RSU1: variants seen among roughly 807,000 people sequenced by gnomAD.
RSU1 encodes the protein rsu-1.
RSU1 carries 26 observed loss-of-function variants against 31.1 expected under a neutral mutation model. The ratio of observed to expected loss-of-function variants is 0.84; its 90% confidence interval spans 0.61 to 1.16. RSU1 has a LOEUF of 1.16. Among genes scored for constraint, RSU1 ranks in the 50% most tolerant of loss-of-function variants. The pLI is 0.00. For synonymous variants in RSU1, 164 were observed against 136.3 expected, an observed-to-expected ratio of 1.20 and a Z score of -1.41; for missense variants, 320 against 339.1, an observed-to-expected ratio of 0.94 and a Z score of 0.44.
chr10:16,795,863 C>CG (rs2131665834), intron 2 of RSU1, among the ~76,000 whole-genome samples: 1 of 152,292 alleles, frequency 6.6e-6, no homozygotes, highest in South Asian at 2.1e-4. Context: ...GGTGAGGCAC[C>CG]GGCACCCTCT....
chr10:16,630,974 A>G (rs1407270916), intron 8 of RSU1, among the ~76,000 whole-genome samples: 1 of 152,248 alleles, frequency 6.6e-6, no homozygotes, highest in Non-Finnish European at 1.5e-5. Context: ...CTCAGATCTC[A>G]GTTAACTCAG....
At chr10:16,649,708 C>CA (rs1270004800) in intron 8 of RSU1, among the ~76,000 whole-genome samples, 1 of 152,144 alleles carries the variant, frequency 6.6e-6, no homozygotes, top group Non-Finnish European at 1.5e-5. Context: ...ATTCTCCGTA[C>CA]AAAAAATTCA....
intron 2 of RSU1, among the ~76,000 whole-genome samples, chr10:16,804,773 T>C (rs1838231559): frequency 1.3e-5 from 2 of 152,164 alleles, no homozygotes; most frequent in South Asian, 4.1e-4. Flanking sequence ...GGTAAAATTA[T>C]AGAGACAAAC....
chr10:16,705,157 A>G (rs1835871294), intron 7 of RSU1, among the ~76,000 whole-genome samples: 1 of 152,166 alleles, frequency 6.6e-6, no homozygotes, highest in Non-Finnish European at 1.5e-5. Flanking sequence ...TTCACTTCAT[A>G]TAATTTCCTC....
chr10:16,729,562 C>T (rs1836462744), intron 7 of RSU1, among the ~76,000 whole-genome samples: 1 of 152,136 alleles, frequency 6.6e-6, no homozygotes, highest in Non-Finnish European at 1.5e-5. Flanking sequence ...ATCTGCCCGC[C>T]CCCGTCTTCG....
At chr10:16,596,090 G>A (rs1833607816) in intron 8 of RSU1, among the ~76,000 whole-genome samples, 1 of 152,152 alleles carries the variant, frequency 6.6e-6, no homozygotes, top group Non-Finnish European at 1.5e-5. Flanking sequence ...TGGGGGTCCT[G>A]GGTCCTGTGT....
intron 8 of RSU1, among the ~76,000 whole-genome samples, chr10:16,608,671 A>G (rs1833843817): frequency 6.6e-6 from 1 of 152,160 alleles, no homozygotes; most frequent in Non-Finnish European, 1.5e-5. Context: ...TGGAGACGGC[A>G]TCTCCGAGAG....
chr10:16,799,521 C>CAACAAA (rs2131669572), intron 2 of RSU1, among the ~76,000 whole-genome samples: 1 of 151,494 alleles, frequency 6.6e-6, no homozygotes, highest in South Asian at 2.1e-4. Flanking sequence ...ACAACAACAA[C>CAACAAA]AACAAAAACA....
Position 16,604,691 on chromosome 10 carries a change from G to C in RSU1, c.732-11195C>G, listed in dbSNP as rs572305203. ...GACAGGTGGGGAAACAAGGCCCAGA[G>C]TTTAAATACCGTGATGTGACTGCAG... is the stretch of plus-strand genomic sequence containing the variant. On this transcript the variant is annotated intron_variant, in intron 8 of 8. Transcript: ENST00000345264. Among the ~76,000 whole-genome samples, 3 of 152,262 alleles carry C rather than the reference G, an allele frequency of 2.0e-5. No individual in the cohort carries two copies. The East Asian group carries it at 5.8e-4, about 29-fold the overall frequency.
intron 8 of RSU1, among the ~76,000 whole-genome samples, chr10:16,601,915 G>A (rs1054067082): frequency 1.3e-5 from 2 of 152,118 alleles, no homozygotes; most frequent in African/African-American, 2.4e-5. Flanking sequence ...GGGAGTATTC[G>A]CTCATTATCT....
chr10:16,651,198 TG>T (rs1377356787), intron 8 of RSU1, among the ~76,000 whole-genome samples: 2 of 152,238 alleles, frequency 1.3e-5, no homozygotes, highest in East Asian at 3.8e-4. Context: ...TTCAAGCTCA[TG>T]TCAAACAAGG....
At chr10:16,602,977 A>G (rs1833736376) in intron 8 of RSU1, among the ~76,000 whole-genome samples, 1 of 152,184 alleles carries the variant, frequency 6.6e-6, no homozygotes, top group Admixed American at 6.5e-5. Context: ...CTGAGTCCTA[A>G]AGAAAAAAAA....
At chr10:16,802,239 G>T (rs957998380) in intron 2 of RSU1, among the ~76,000 whole-genome samples, 1 of 150,874 alleles carries the variant, frequency 6.6e-6, no homozygotes, top group African/African-American at 2.4e-5. Context: ...ATGAAAGAAG[G>T]GCCATTACTA....
intron 8 of RSU1, among the ~76,000 whole-genome samples, chr10:16,667,167 G>A (rs890277748): frequency 7.2e-5 from 11 of 152,160 alleles, no homozygotes; most frequent in African/African-American, 2.7e-4. Context: ...TTATACTTTA[G>A]CTGTCTGTTA....
chr10:16,749,784 G>A (rs1359018995), intron 7 of RSU1, among the ~76,000 whole-genome samples: 1 of 152,208 alleles, frequency 6.6e-6, no homozygotes, highest in Non-Finnish European at 1.5e-5. Context: ...TGCCGGCAAA[G>A]CCCACGCCAA....
chr10:16,695,175 A>T lies in RSU1; in HGVS notation c.599-20T>A, dbSNP rs753400513. On this transcript the variant is annotated intron_variant, in intron 7 of 8. Coordinates refer to ENST00000345264, the MANE Select transcript of RSU1 (RefSeq NM_012425.4). ...AGTTTCCTGGGGGGGGGGAAAAAAA[A>T]AGTGAAGGTCACTTCATCCAATACA... The T allele has an allele frequency of 4.4e-6, 7 of 1,583,088 alleles. No homozygotes were observed. The East Asian group carries it at 1.4e-4, about 31-fold the overall frequency.
intron 8 of RSU1, among the ~76,000 whole-genome samples, chr10:16,658,752 G>A (rs1029506978): frequency 2.6e-5 from 4 of 152,014 alleles, no homozygotes; most frequent in African/African-American, 7.2e-5. Context: ...AAAATATTTT[G>A]GTGCTCGTTA....
intron 8 of RSU1, among the ~76,000 whole-genome samples, chr10:16,638,038 C>T (rs1834376152): frequency 6.6e-6 from 1 of 152,042 alleles, no homozygotes; most frequent in Non-Finnish European, 1.5e-5. Flanking sequence ...CTGAACATAC[C>T]TTGTCTTTTC....
At chr10:16,623,333 A>G (rs1247289822) in intron 8 of RSU1, among the ~76,000 whole-genome samples, 3 of 152,200 alleles carry the variant, frequency 2.0e-5, no homozygotes, top group Non-Finnish European at 4.4e-5. Context: ...AATGGCCTCC[A>G]GCTCCATATG....
Sources: allele counts gnomAD v4.1 joint callset (sites outside exome capture counted in the v4.1 genomes callset), GRCh38; gene constraint gnomAD v4.1.1; transcripts MANE v1.5; gene names NCBI Gene and HGNC (gene_info 2026-07-23, HGNC 2026-07-21).